Variants in SESN1 observed in about 807,000 individuals in gnomAD.
SESN1 encodes the protein sestrin 1, also known as sestrin-1.
Under a neutral mutation model 59.3 loss-of-function variants are expected in SESN1, and 30 were observed. The ratio of observed to expected loss-of-function variants is 0.51; its 90% CI spans 0.38 to 0.69. The LOEUF is 0.69. SESN1 is among the 30% of genes least tolerant of loss of function. SESN1 has a pLI of 0.00. For synonymous variants in SESN1, 197 were observed against 219.9 expected (o/e 0.90, Z 0.92); for missense variants, 566 against 673.0 (o/e 0.84, Z 1.76).
At chr6:109,087,708 TCAAAA>T (rs1457361814) in intron 1 of SESN1, among the ~76,000 whole-genome samples, 2 of 152,002 alleles carry the variant, frequency 1.3e-5, no homozygotes, top group East Asian at 1.9e-4. Context: ...TAAAAAAAAA[TCAAAA>T]CAAAACAATC....
At chr6:109,063,164 T>A (rs1780759808) in intron 1 of SESN1, among the ~76,000 whole-genome samples, 1 of 152,058 alleles carries the variant, frequency 6.6e-6, no homozygotes, top group African/African-American at 2.4e-5. Flanking sequence ...GCTTCTGGCC[T>A]GAGAGGGGAG....
In SESN1 at chr6:109,094,261, A is replaced by G; in HGVS notation, c.-188T>C. On this transcript the variant is annotated 5_prime_UTR_variant, in exon 1 of 10. Coordinates refer to ENST00000436639, the MANE Select transcript of SESN1 (RefSeq NM_014454.3). ...GATCTACAAGCTAGGTCACCCTCTC[A>G]CCCTCTCCTTGTACACGAAAGGGCA... The G allele has an allele frequency of 8.1e-6, 5 of 615,720 alleles. No homozygotes were observed. In the South Asian group the frequency reaches 1.0e-4, roughly 13 times the overall value. 38.1% of individuals were successfully genotyped at this position (615,720 alleles called of 1,614,324 possible).
In SESN1 at chr6:108,987,382, C is replaced by T. The variant is rs1354953105; in HGVS notation, c.*162G>A. On this transcript the variant is annotated 3_prime_UTR_variant, in exon 10 of 10. Coordinates refer to ENST00000436639, the MANE Select transcript of SESN1 (RefSeq NM_014454.3). Reference sequence around the variant, plus strand: ...GCTGCCAAACAGTCACTGCTTGTGCCAGCAGTGGTTTTCCACAGAAAAATA... The same window carrying T: ...GCTGCCAAACAGTCACTGCTTGTGCTAGCAGTGGTTTTCCACAGAAAAATA... The T allele has an allele frequency of 4.6e-5, 24 of 526,172 alleles. No homozygotes were observed. Among genetic ancestry groups the T allele is most frequent in the Non-Finnish European group, 1.4e-5 (4 of 295,372 alleles). The allele number at this position is 526,172 out of a possible 1,614,324, so 32.6% of individuals were successfully genotyped here.
chr6:109,017,725 G>A (rs1779949176), intron 1 of SESN1, among the ~76,000 whole-genome samples: 1 of 152,138 alleles, frequency 6.6e-6, no homozygotes, highest in Non-Finnish European at 1.5e-5. Flanking sequence ...GCATTAAATA[G>A]AGGGTCATCT....
intron 1 of SESN1, among the ~76,000 whole-genome samples, chr6:109,066,458 AAGT>A (rs989369966): frequency 1.3e-5 from 2 of 152,142 alleles, no homozygotes; most frequent in African/African-American, 4.8e-5. Flanking sequence ...ATGAAAAAGA[AAGT>A]AGGTGGGAAT....
At chr6:109,051,150 CA>C (rs201275516) in intron 1 of SESN1, among the ~76,000 whole-genome samples, 4 of 146,236 alleles carry the variant, frequency 2.7e-5, no homozygotes, top group African/African-American at 7.4e-5. Context: ...CTCTTAAAAA[CA>C]AAAAAAAACA....
intron 1 of SESN1, among the ~76,000 whole-genome samples, chr6:109,088,629 C>A (rs1473340564): frequency 6.6e-6 from 1 of 152,146 alleles, no homozygotes; most frequent in East Asian, 1.9e-4. Context: ...ATGAAAATGA[C>A]CAAATGACCA....
At chr6:109,060,876 C>T (rs1780720534) in intron 1 of SESN1, among the ~76,000 whole-genome samples, 1 of 152,074 alleles carries the variant, frequency 6.6e-6, no homozygotes. Context: ...TAAATTTATG[C>T]CAGGCAACTT....
At chr6:109,082,733 C>G in intron 1 of SESN1, among the ~76,000 whole-genome samples, 1 of 152,042 alleles carries the variant, frequency 6.6e-6, no homozygotes, top group East Asian at 1.9e-4. Context: ...CCCTATGACA[C>G]GATGTATTAA....
chr6:109,020,205 T>G (rs1779988936), intron 1 of SESN1, among the ~76,000 whole-genome samples: 1 of 152,144 alleles, frequency 6.6e-6, no homozygotes, highest in Non-Finnish European at 1.5e-5. Flanking sequence ...TTTTATGTAT[T>G]GTCACAAGAG....
intron 1 of SESN1, among the ~76,000 whole-genome samples, chr6:109,038,415 C>T (rs1196683569): frequency 6.6e-6 from 1 of 152,232 alleles, no homozygotes; most frequent in Non-Finnish European, 1.5e-5. Flanking sequence ...TTGCTTGAAC[C>T]TGGTTGTCAG....
chr6:109,024,948 A>ATTTACT (rs1780067197), intron 1 of SESN1, among the ~76,000 whole-genome samples: 1 of 152,226 alleles, frequency 6.6e-6, no homozygotes, highest in African/African-American at 2.4e-5. Flanking sequence ...CTGGCAAAGT[A>ATTTACT]ACAGAAATCC....
At position 108,986,944 on chromosome 6, in the gene SESN1, A is replaced by G. The variant is rs920208006; in HGVS notation, c.*600T>C. ...CTAATGAAAGAAATTAACTGTTACC[A>G]TCAAAATGGTTGTTGCTGAGCTGTG... On this transcript the variant is annotated 3_prime_UTR_variant, in exon 10 of 10. Transcript: ENST00000436639. 2.0e-5 allele frequency: 3 copies of G among 152,632 alleles called. No homozygotes were observed. The highest frequency in any genetic ancestry group is 7.2e-5 in the African/African-American group (3 of 41,472). The allele number at this position is 152,632 out of a possible 1,614,324, so 9.5% of individuals were successfully genotyped here.
chr6:108,995,454 G>A (rs1259529832), intron 5 of SESN1, among the ~76,000 whole-genome samples: 1 of 152,202 alleles, frequency 6.6e-6, no homozygotes, highest in Non-Finnish European at 1.5e-5. Flanking sequence ...GCTGTCACTT[G>A]CTGGGATGAC....
intron 1 of SESN1, among the ~76,000 whole-genome samples, chr6:109,028,956 C>G (rs554702744): frequency 6.6e-6 from 1 of 152,224 alleles, no homozygotes; most frequent in East Asian, 1.9e-4. Context: ...TGAAGTTTAC[C>G]TTTATGTATA....
chr6:109,021,272 C>T lies in SESN1; in HGVS notation c.280-18929G>A, dbSNP rs538535669. On this transcript the variant is annotated intron_variant, in intron 1 of 9. Coordinates refer to ENST00000436639, the MANE Select transcript of SESN1 (RefSeq NM_014454.3). ...TGTTGGGATTACAGGTGTGAGCCACCTTGCCGAGCCCACCATGTACTTTAA... is the reference window on the plus strand; with the variant it reads ...TGTTGGGATTACAGGTGTGAGCCACTTTGCCGAGCCCACCATGTACTTTAA... Among the ~76,000 whole-genome samples, 169 of 152,268 alleles carry T rather than the reference C, an allele frequency of 1.1e-3. 1 individual carries two copies. The highest frequency in any genetic ancestry group is 3.9e-3 in the African/African-American group (164 of 41,564).
chr6:109,075,452 ACT>A (rs1425226959), intron 1 of SESN1, among the ~76,000 whole-genome samples: 9 of 152,136 alleles, frequency 5.9e-5, no homozygotes, highest in Admixed American at 5.9e-4. Context: ...TCTTGCTGGC[ACT>A]CTTTCTCAGG....
intron 4 of SESN1, chr6:109,000,279 C>G: frequency 2.6e-6 from 1 of 384,798 alleles, no homozygotes; most frequent in Non-Finnish European, 4.6e-6. Flanking sequence ...AGACTGAACC[C>G]TAATGTGAAC....
intron 1 of SESN1, among the ~76,000 whole-genome samples, chr6:109,032,140 T>C (rs1395512482): frequency 6.6e-6 from 1 of 152,030 alleles, no homozygotes; most frequent in Non-Finnish European, 1.5e-5. Flanking sequence ...GGCGTGGTGG[T>C]TCATGCCTGT....
Sources: gnomAD v4.1 joint callset for allele counts (sites outside exome capture counted in the v4.1 genomes callset) on GRCh38, gnomAD v4.1.1 for gene constraint, MANE v1.5 for transcripts, NCBI Gene and HGNC (gene_info 2026-07-23, HGNC 2026-07-21) for gene names.